RBM25: variants seen among roughly 807,000 people sequenced by gnomAD.
RBM25 encodes the protein RNA-binding protein 25.
RBM25 carries 19 observed loss-of-function variants against 120.7 expected under a neutral mutation model. The ratio of observed to expected loss-of-function variants is 0.16; its 90% CI spans 0.11 to 0.23. The LOEUF (loss-of-function observed/expected upper bound fraction) is 0.23. RBM25 is among the 10% of genes least tolerant of loss of function. The pLI is 1.00. For synonymous variants in RBM25, 390 were observed against 326.7 expected (o/e 1.19, Z -2.09); for missense variants, 605 against 1,041.5 (o/e 0.58, Z 5.77).
chr14:73,109,631 A>G lies in RBM25; in HGVS notation c.1692+139A>G. On this transcript the variant is annotated intron_variant, in intron 14 of 18. Coordinates refer to ENST00000261973, the MANE Select transcript of RBM25 (RefSeq NM_021239.3). The stretch of plus-strand genomic sequence containing the variant: ...ACACGGTGAAACCCCGTCTCTATTA[A>G]AAATACAAAAGATTAGCCGGGTGTA... 3 of 769,900 alleles carry G rather than the reference A, an allele frequency of 3.9e-6. No homozygotes were observed. In the East Asian group the frequency reaches 1.0e-4, roughly 26 times the overall value. The allele number at this position is 769,900 out of a possible 1,614,324, so 47.7% of individuals were successfully genotyped here. A position where few individuals can be genotyped will look rare whatever the true frequency, so the allele number is the denominator to read the frequency against.
At chr14:73,060,943 C>T (rs1423935487) in intron 1 of RBM25, among the ~76,000 whole-genome samples, 2 of 151,136 alleles carry the variant, frequency 1.3e-5, no homozygotes, top group East Asian at 3.8e-4. Flanking sequence ...AAAATTAGGA[C>T]TAGTCTTACC....
intron 1 of RBM25, among the ~76,000 whole-genome samples, chr14:73,065,879 T>C (rs1895120925): frequency 1.3e-5 from 2 of 152,204 alleles, no homozygotes; most frequent in Admixed American, 1.3e-4. Flanking sequence ...TTAAGCATTA[T>C]TTATATCTAA....
intron 1 of RBM25, among the ~76,000 whole-genome samples, chr14:73,059,604 TTAG>T (rs1354128427): frequency 7.2e-5 from 11 of 152,162 alleles, no homozygotes; most frequent in Non-Finnish European, 1.0e-4. Flanking sequence ...TACTGCTGTA[TTAG>T]TGTGAAGTAC....
At position 73,103,044 on chromosome 14, in the gene RBM25, T is replaced by G. The variant is rs1896085381; in HGVS notation, c.868-148T>G. The G allele has an allele frequency of 4.5e-5, 67 of 1,474,034 alleles. No individual in the cohort carries two copies. In the South Asian group the frequency reaches 9.0e-4, roughly 20 times the overall value. The allele number at this position is 1,474,034 out of a possible 1,614,324, so 91.3% of individuals were successfully genotyped here. On this transcript the variant is annotated intron_variant, in intron 9 of 18. Transcript: ENST00000261973. ...CTTTCTAGTCTTGTGATTGCTTCAG[T>G]TTAATTTGTCACATAAAACCACAAG...
At chr14:73,083,667 T>C in intron 5 of RBM25, 116 bp downstream of exon 5, 1 of 608,676 alleles carries the variant, frequency 1.6e-6, no homozygotes, top group Non-Finnish European at 2.5e-6. Flanking sequence ...TTATTAGCAC[T>C]CTTTGTCCTC....
intron 2 of RBM25, among the ~76,000 whole-genome samples, chr14:73,074,284 A>G (rs555698596): frequency 1.3e-5 from 2 of 152,212 alleles, no homozygotes; most frequent in Admixed American, 1.3e-4. Flanking sequence ...CAGTGGCATA[A>G]CCATAACTTA....
chr14:73,067,308 C>G (rs1273857544), intron 1 of RBM25, among the ~76,000 whole-genome samples: 1 of 152,056 alleles, frequency 6.6e-6, no homozygotes, highest in Non-Finnish European at 1.5e-5. Flanking sequence ...TGTCTATTAT[C>G]TCCAGGAATG....
intron 1 of RBM25, among the ~76,000 whole-genome samples, chr14:73,059,603 A>G (rs1894951385): frequency 6.6e-6 from 1 of 152,208 alleles, no homozygotes; most frequent in African/African-American, 2.4e-5. Flanking sequence ...CTACTGCTGT[A>G]TTAGTGTGAA....
Position 73,084,792 on chromosome 14 carries a change from C to T in RBM25, c.382+1241C>T, listed in dbSNP as rs1388637974. On this transcript the variant is annotated intron_variant, in intron 5 of 18. Coordinates refer to ENST00000261973, the MANE Select transcript of RBM25 (RefSeq NM_021239.3). Reference sequence around the variant, plus strand: ...CTCCTGAGCTGCTAACCTTATGATCCGCCCACCTCAGCCTCCCAAAGTACT... The same window carrying T: ...CTCCTGAGCTGCTAACCTTATGATCTGCCCACCTCAGCCTCCCAAAGTACT... Among the ~76,000 whole-genome samples, 8 of 151,514 alleles carry T rather than the reference C, an allele frequency of 5.3e-5. No individual in the cohort carries two copies. In the East Asian group the frequency reaches 1.2e-3, roughly 22 times the overall value.
chr14:73,118,479 GAAAAA>G (rs79313770), intron 18 of RBM25, among the ~76,000 whole-genome samples: 1 of 123,322 alleles, frequency 8.1e-6, no homozygotes, highest in Non-Finnish European at 1.7e-5. Flanking sequence ...CCTGTCTCCA[GAAAAA>G]AAAAAAAAAA....
chr14:73,101,626 A>G (rs1415830217), intron 9 of RBM25: 2 of 151,994 alleles, frequency 1.3e-5, no homozygotes, highest in Non-Finnish European at 1.5e-5. Context: ...GAGTTCTGAA[A>G]CAAATGGTTA....
intron 2 of RBM25, among the ~76,000 whole-genome samples, chr14:73,074,453 C>G (rs1385945176): frequency 1.3e-5 from 2 of 152,014 alleles, no homozygotes; most frequent in Non-Finnish European, 2.9e-5. Flanking sequence ...AAGTTATAGG[C>G]TGGGCATGGT....
At position 73,105,898 on chromosome 14, in the gene RBM25, A is replaced by AAGAGAG. The variant is rs150988201; in HGVS notation, c.1206_1211dup (p.Arg425_Glu426dup). On this transcript the variant is annotated inframe_insertion, in exon 11 of 19. Transcript: ENST00000261973. ...ATCGTGAAAGGGAACGAGAGCGGGAAAGAGAGAGAGAGAGAGAACGAGAGC... is the reference window on the plus strand; with the variant it reads ...ATCGTGAAAGGGAACGAGAGCGGGAAAGAGAGAGAGAGAGAGAGAGAGAACGAGAGC... 8.5e-6 allele frequency: 13 copies of AAGAGAG among 1,536,706 alleles called. 1 individual carries two copies. In the Admixed American group the frequency reaches 1.8e-4, roughly 21 times the overall value.
rs1895712925 is a variant in RBM25 at position 73,087,437 on chromosome 14, C to T, written c.383-564C>T. Among the ~76,000 whole-genome samples, 3 of 151,388 alleles carry T rather than the reference C, an allele frequency of 2.0e-5. No individual in the cohort carries two copies. In the South Asian group the frequency reaches 6.2e-4, roughly 31 times the overall value. ...TTGAGACGGAGTCTCGCTCTTTCGCCCAGGCCGGACTGCAGTGGCGCTATC... is the reference window on the plus strand; with the variant it reads ...TTGAGACGGAGTCTCGCTCTTTCGCTCAGGCCGGACTGCAGTGGCGCTATC... On this transcript the variant is annotated intron_variant, in intron 5 of 18. Coordinates refer to ENST00000261973, the MANE Select transcript of RBM25 (RefSeq NM_021239.3).
chr14:73,108,537 T>C (rs761450996), intron 13 of RBM25, among the ~76,000 whole-genome samples: 8 of 152,234 alleles, frequency 5.3e-5, no homozygotes, highest in Non-Finnish European at 7.3e-5. Context: ...ATTTTCAAAC[T>C]ACTCTCATTC....
At chr14:73,094,932 C>G (rs554504392) in intron 6 of RBM25, among the ~76,000 whole-genome samples, 3 of 151,980 alleles carry the variant, frequency 2.0e-5, no homozygotes, top group Non-Finnish European at 4.4e-5. Context: ...TCTCTGCTCA[C>G]TGCAGTCTCC....
At chr14:73,113,895 CAT>C (rs1303223267) in intron 17 of RBM25, among the ~76,000 whole-genome samples, 1 of 152,142 alleles carries the variant, frequency 6.6e-6, no homozygotes, top group Non-Finnish European at 1.5e-5. Context: ...CTCCTGAAAA[CAT>C]AGTCTTAACT....
intron 6 of RBM25, among the ~76,000 whole-genome samples, chr14:73,090,026 GT>G (rs1430412731): frequency 6.6e-6 from 1 of 151,646 alleles, no homozygotes; most frequent in Non-Finnish European, 1.5e-5. Flanking sequence ...ATCCTTAATG[GT>G]TTTGGATTTC....
In RBM25 at chr14:73,110,922, A is replaced by G; in HGVS notation, c.1784A>G (p.Glu595Gly). Residue 595 changes from glutamate (E) to glycine (G), a missense_variant, in exon 15 of 19, where the codon GAA (glutamate) becomes GGA (glycine). Physicochemically the swap from Glu to Gly is moderately conservative, Grantham distance 98 (BLOSUM62 -2). Coordinates refer to ENST00000261973, the MANE Select transcript of RBM25 (RefSeq NM_021239.3). Reference sequence around the variant, plus strand: ...GAAGAAGAAAAGCAAGAAAAAGAAGAAAAACGAGAAGAACCCATGGAAGAG... The same window carrying G: ...GAAGAAGAAAAGCAAGAAAAAGAAGGAAAACGAGAAGAACCCATGGAAGAG... ...EEEEEKQEKEEKREEPMEEEE... is the reference protein window; with the variant it reads ...EEEEEKQEKEGKREEPMEEEE... 2 of 1,612,036 alleles carry G rather than the reference A, an allele frequency of 1.2e-6. No homozygotes were observed. The highest frequency in any genetic ancestry group is 1.7e-6 in the Non-Finnish European group (2 of 1,178,944).
Sources: gnomAD v4.1 joint callset for allele counts (sites outside exome capture counted in the v4.1 genomes callset) on GRCh38, gnomAD v4.1.1 for gene constraint, MANE v1.5 for transcripts, NCBI Gene and HGNC (gene_info 2026-07-23, HGNC 2026-07-21) for gene names.